Variants in COL21A1 observed in about 807,000 individuals in gnomAD.
COL21A1 encodes the protein collagen type XXI alpha 1 chain, also known as collagen alpha-1(XXI) chain.
Under a neutral mutation model 137.9 loss-of-function variants are expected in COL21A1, and 149 were observed. That is an observed-to-expected ratio of 1.08 (90% confidence interval 0.95 to 1.24). COL21A1 has a LOEUF of 1.24. Among genes scored for constraint, COL21A1 ranks in the 50% most tolerant of loss-of-function variants. COL21A1 has a pLI of 0.00. For missense variants in COL21A1, 1,167 were observed against 1,158.4 expected, an observed-to-expected ratio of 1.01 and a Z score of -0.11; for synonymous variants, 456 against 391.5, an observed-to-expected ratio of 1.16 and a Z score of -1.95.
chr6:56,322,519 T>A (rs1490467419), intron 1 of COL21A1, among the ~76,000 whole-genome samples: 1 of 152,126 alleles, frequency 6.6e-6, no homozygotes, highest in Non-Finnish European at 1.5e-5. Flanking sequence ...TTATTTCTCA[T>A]TGGCAAAAAT....
At chr6:56,187,409 A>AG (rs1195293305) in intron 1 of COL21A1, among the ~76,000 whole-genome samples, 1 of 152,188 alleles carries the variant, frequency 6.6e-6, no homozygotes, top group African/African-American at 2.4e-5. Flanking sequence ...TGAGTTTCAG[A>AG]GGGGGCAAAC....
intron 3 of COL21A1, among the ~76,000 whole-genome samples, chr6:56,171,605 TA>T (rs1031447117): frequency 3.9e-5 from 6 of 151,944 alleles, no homozygotes; most frequent in African/African-American, 1.2e-4. Context: ...ATTTAAGGGG[TA>T]AAAAGTATTT....
At chr6:56,317,883 A>G (rs1204390794) in intron 1 of COL21A1, among the ~76,000 whole-genome samples, 2 of 152,170 alleles carry the variant, frequency 1.3e-5, no homozygotes, top group African/African-American at 4.8e-5. Flanking sequence ...TTCTTAAAAA[A>G]ATAAGAATAG....
intron 1 of COL21A1, among the ~76,000 whole-genome samples, chr6:56,328,863 G>A (rs1028778863): frequency 2.0e-5 from 3 of 152,050 alleles, no homozygotes; most frequent in African/African-American, 7.2e-5. Flanking sequence ...TGGGGGTGCA[G>A]CTCCTAACAC....
chr6:56,157,263 A>G (rs1775827990), intron 9 of COL21A1, among the ~76,000 whole-genome samples: 1 of 151,696 alleles, frequency 6.6e-6, no homozygotes, highest in African/African-American at 2.4e-5. Flanking sequence ...GTAAAGTGAC[A>G]TAGCAAATAT....
chr6:56,377,596 G>A (rs1015810182), intron 1 of COL21A1, among the ~76,000 whole-genome samples: 5 of 152,072 alleles, frequency 3.3e-5, no homozygotes, highest in African/African-American at 1.2e-4. Flanking sequence ...TGCAAGCCTC[G>A]CCACAGCAGG....
intron 1 of COL21A1, among the ~76,000 whole-genome samples, chr6:56,385,704 T>C (rs377108522): frequency 1.3e-5 from 2 of 152,228 alleles, no homozygotes; most frequent in African/African-American, 4.8e-5. Flanking sequence ...CCTGTACCCA[T>C]TGAGTAGCCA....
intron 1 of COL21A1, among the ~76,000 whole-genome samples, chr6:56,314,150 G>T (rs998796605): frequency 6.6e-6 from 1 of 152,006 alleles, no homozygotes; most frequent in South Asian, 2.1e-4. Flanking sequence ...ACCCCTGGCT[G>T]ATTTTTTGTA....
chr6:56,219,601 A>G (rs1179169529), intron 1 of COL21A1, among the ~76,000 whole-genome samples: 1 of 152,168 alleles, frequency 6.6e-6, no homozygotes, highest in Non-Finnish European at 1.5e-5. Context: ...TCTGGTTTAC[A>G]AAACTGTTAT....
intron 1 of COL21A1, among the ~76,000 whole-genome samples, chr6:56,376,746 T>A (rs1685613142): frequency 6.6e-6 from 1 of 151,976 alleles, no homozygotes; most frequent in South Asian, 2.1e-4. Flanking sequence ...GATAGGGGTC[T>A]TGAGATTTTG....
intron 1 of COL21A1, among the ~76,000 whole-genome samples, chr6:56,215,332 C>T (rs569938847): frequency 6.6e-6 from 1 of 152,004 alleles, no homozygotes; most frequent in African/African-American, 2.4e-5. Context: ...ATGTAGGAAA[C>T]CTTATCCTGC....
intron 1 of COL21A1, among the ~76,000 whole-genome samples, chr6:56,346,902 T>C (rs1765609679): frequency 6.6e-6 from 1 of 152,138 alleles, no homozygotes; most frequent in South Asian, 2.1e-4. Context: ...TGCGAGGATC[T>C]TGTCCCTCCT....
chr6:56,230,238 T>C (rs990409373), intron 1 of COL21A1, among the ~76,000 whole-genome samples: 1 of 151,922 alleles, frequency 6.6e-6, no homozygotes, highest in African/African-American at 2.4e-5. Context: ...CAGTGTCCTA[T>C]GACTCTGTGA....
chr6:56,275,678 A>C (rs551269114), intron 1 of COL21A1, among the ~76,000 whole-genome samples: 1 of 152,098 alleles, frequency 6.6e-6, no homozygotes, highest in African/African-American at 2.4e-5. Context: ...GATAGATACC[A>C]TCTCACACCA....
At chr6:56,181,741 G>A (rs560061046) in intron 2 of COL21A1, among the ~76,000 whole-genome samples, 28 of 152,240 alleles carry the variant, frequency 1.8e-4, no homozygotes, top group Admixed American at 9.2e-4. Context: ...GGACTGAAGA[G>A]CAAAAACATG....
intron 1 of COL21A1, among the ~76,000 whole-genome samples, chr6:56,336,912 A>G (rs1765339103): frequency 6.6e-6 from 1 of 152,194 alleles, no homozygotes; most frequent in South Asian, 2.1e-4. Flanking sequence ...TTATTTTGGC[A>G]AAACCAATAT....
intron 1 of COL21A1, among the ~76,000 whole-genome samples, chr6:56,206,067 T>A (rs1779761033): frequency 6.6e-6 from 1 of 152,096 alleles, no homozygotes; most frequent in South Asian, 2.1e-4. Context: ...ATGAAGAAAC[T>A]GCATCAACTA....
intron 1 of COL21A1, among the ~76,000 whole-genome samples, chr6:56,311,717 C>A (rs1039526637): frequency 8.5e-5 from 13 of 152,164 alleles, no homozygotes; most frequent in African/African-American, 3.1e-4. Flanking sequence ...CCTGGAAACA[C>A]TTCTTGGGAC....
chr6:56,072,352 C>T (rs1297856582), intron 20 of COL21A1, among the ~76,000 whole-genome samples: 1 of 151,394 alleles, frequency 6.6e-6, no homozygotes, highest in East Asian at 1.9e-4. Context: ...AAAACCAAAA[C>T]ATAGTATAGT....
Sources: allele counts gnomAD v4.1 joint callset (sites outside exome capture counted in the v4.1 genomes callset), GRCh38; gene constraint gnomAD v4.1.1; transcripts MANE v1.5; gene names NCBI Gene and HGNC (gene_info 2026-07-23, HGNC 2026-07-21).